The following CNNM2 variants were observed in gnomAD, a reference collection of about 807,000 sequenced individuals.
The protein encoded by CNNM2 is cyclin and CBS domain divalent metal cation transport mediator 2.
CNNM2 carries 12 observed loss-of-function variants against 66.9 expected under a neutral mutation model. That is an observed-to-expected ratio of 0.18 (90% CI 0.11 to 0.29). The LOEUF is 0.29. Ranked by LOEUF, CNNM2 falls within the 10% of genes least tolerant of loss-of-function variation. The probability of loss-of-function intolerance (pLI) is 1.00; values close to 1 mark genes in which losing one functional copy is unlikely to be tolerated. For missense variants in CNNM2, 705 were observed against 1,167.7 expected, an observed-to-expected ratio of 0.60 and a Z score of 5.77; for synonymous variants, 557 against 501.8, an observed-to-expected ratio of 1.11 and a Z score of -1.47.
chr10:103,015,779 G>A (rs1186926533), intron 1 of CNNM2, among the ~76,000 whole-genome samples: 5 of 152,206 alleles, frequency 3.3e-5, no homozygotes, highest in Non-Finnish European at 5.9e-5. Flanking sequence ...CTTGAACCCG[G>A]GAGGTAGAAG....
intron 1 of CNNM2, among the ~76,000 whole-genome samples, chr10:102,935,928 A>T (rs1455454020): frequency 6.6e-6 from 1 of 151,524 alleles, no homozygotes; most frequent in African/African-American, 2.4e-5. Flanking sequence ...TAGCACTATA[A>T]TCCTTGAGGT....
chr10:103,033,541 C>G (rs1239811543), intron 1 of CNNM2, among the ~76,000 whole-genome samples: 1 of 151,730 alleles, frequency 6.6e-6, no homozygotes, highest in Admixed American at 6.6e-5. Context: ...AAAACATGTA[C>G]AAACAATTGT....
chr10:102,995,851 C>G (rs1456773771), intron 1 of CNNM2, among the ~76,000 whole-genome samples: 1 of 151,968 alleles, frequency 6.6e-6, no homozygotes, highest in Non-Finnish European at 1.5e-5. Flanking sequence ...CAGGCATGCA[C>G]CACTCCCCCC....
chr10:102,995,917 C>G (rs957933254), intron 1 of CNNM2, among the ~76,000 whole-genome samples: 1 of 151,590 alleles, frequency 6.6e-6, no homozygotes, highest in Non-Finnish European at 1.5e-5. Context: ...TTAAGCTGGT[C>G]TCAAACTCCC....
intron 6 of CNNM2, among the ~76,000 whole-genome samples, chr10:103,075,657 T>A (rs763674245): frequency 4.6e-5 from 7 of 152,228 alleles, no homozygotes; most frequent in Non-Finnish European, 8.8e-5. Context: ...TTTATTAATA[T>A]TCTCAAGAGT....
chr10:103,074,448 A>AG (rs1478854991), intron 6 of CNNM2, among the ~76,000 whole-genome samples: 2 of 152,246 alleles, frequency 1.3e-5, no homozygotes, highest in African/African-American at 4.8e-5. Flanking sequence ...AATGGAAACA[A>AG]GGGGAACTGC....
At chr10:102,989,271 C>T (rs1034602060) in intron 1 of CNNM2, among the ~76,000 whole-genome samples, 9 of 152,144 alleles carry the variant, frequency 5.9e-5, no homozygotes, top group South Asian at 2.1e-4. Context: ...CCCCAAGAAT[C>T]GGACATTTTT....
intron 4 of CNNM2, 103 bp from the exon 5 acceptor site, chr10:103,068,526 A>G: frequency 1.1e-6 from 1 of 944,946 alleles, no homozygotes; most frequent in East Asian, 2.6e-5. Flanking sequence ...TAGTGTTGGG[A>G]AAAGAAATCA....
chr10:102,932,668 G>A (rs966014890), intron 1 of CNNM2, among the ~76,000 whole-genome samples: 8 of 152,010 alleles, frequency 5.3e-5, no homozygotes, highest in Non-Finnish European at 1.0e-4. Context: ...CTGTAATCCC[G>A]GAACCTTGGG....
chr10:102,966,162 G>C (rs2063460765), intron 1 of CNNM2, among the ~76,000 whole-genome samples: 2 of 152,156 alleles, frequency 1.3e-5, no homozygotes. Context: ...TTCTGTACTT[G>C]TATGATTAAA....
At position 102,982,617 on chromosome 10, in the gene CNNM2, T is replaced by G. The variant is rs560135597; in HGVS notation, c.1621+62516T>G. On this transcript the variant is annotated intron_variant, in intron 1 of 7. Transcript: ENST00000369878. ...AAGACTGTAAAGCTTTGATGGGTAG[T>G]TAGTTCTTTGTGGCTTTAGGGCTTT... Among the ~76,000 whole-genome samples the G allele has an allele frequency of 2.0e-5, 3 of 152,308 alleles. No homozygotes were observed. In the East Asian group the frequency reaches 5.8e-4, roughly 29 times the overall value.
At chr10:102,975,469 GAAAAAAA>G (rs57482469) in intron 1 of CNNM2, among the ~76,000 whole-genome samples, 6 of 119,298 alleles carry the variant, frequency 5.0e-5, no homozygotes, top group African/African-American at 1.3e-4. Context: ...GATGGAATTA[GAAAAAAA>G]AAAAAAAAAA....
Position 103,089,602 on chromosome 10 carries a change from G to A in CNNM2, c.*12422G>A. The A allele has an allele frequency of 6.8e-7, 1 of 1,481,322 alleles. No homozygotes were observed. The highest frequency in any genetic ancestry group is 1.4e-5 in the African/African-American group (1 of 71,030). The allele number at this position is 1,481,322 out of a possible 1,614,324, so 91.8% of individuals were successfully genotyped here. ...CCTCCCCCGAGTAGAACCCTAACAG[G>A]GACCTCGTTTGTTCCTGTGAGTCCT... On this transcript the variant is annotated 3_prime_UTR_variant, in exon 8 of 8. Coordinates refer to ENST00000369878, the MANE Select transcript of CNNM2 (RefSeq NM_017649.5).
intron 4 of CNNM2, among the ~76,000 whole-genome samples, chr10:103,066,460 C>T (rs1020205746): frequency 1.3e-5 from 2 of 152,178 alleles, no homozygotes; most frequent in African/African-American, 4.8e-5. Flanking sequence ...GTGGCTGCCA[C>T]CCTCGTGGAA....
intron 1 of CNNM2, among the ~76,000 whole-genome samples, chr10:102,982,523 T>G (rs1451474391): frequency 6.6e-6 from 1 of 152,206 alleles, no homozygotes; most frequent in East Asian, 1.9e-4. Flanking sequence ...CATTACTAAT[T>G]TGCAGGAGAG....
chr10:102,975,855 C>T (rs1172650191), intron 1 of CNNM2, among the ~76,000 whole-genome samples: 2 of 152,136 alleles, frequency 1.3e-5, no homozygotes, highest in Non-Finnish European at 2.9e-5. Context: ...TAATTGGCCC[C>T]TCTGGAATTT....
chr10:103,056,510 G>A (rs138928532), intron 3 of CNNM2, among the ~76,000 whole-genome samples: 297 of 152,322 alleles, frequency 1.9e-3, no homozygotes, highest in African/African-American at 6.2e-3. Context: ...CCCGCTTGCC[G>A]TTGATTTTCG....
chr10:103,068,882 C>G (rs1355956218), intron 5 of CNNM2, among the ~76,000 whole-genome samples, 160 bp downstream of exon 5: 2 of 152,124 alleles, frequency 1.3e-5, no homozygotes, highest in African/African-American at 4.8e-5. Context: ...CTGCACAAAT[C>G]CTAAGTATAT....
At chr10:103,052,654 C>T (rs2065236113) in intron 2 of CNNM2, among the ~76,000 whole-genome samples, 1 of 151,970 alleles carries the variant, frequency 6.6e-6, no homozygotes, top group South Asian at 2.1e-4. Context: ...GCTGGGATTA[C>T]AGGCACCCGC....
Sources: gnomAD v4.1 joint callset for allele counts (sites outside exome capture counted in the v4.1 genomes callset) on GRCh38, gnomAD v4.1.1 for gene constraint, MANE v1.5 for transcripts, NCBI Gene and HGNC (gene_info 2026-07-23, HGNC 2026-07-21) for gene names.